AFM: variants seen among roughly 807,000 people sequenced by gnomAD.
The protein encoded by AFM is afamin.
In AFM, 82 loss-of-function variants were observed where a neutral mutation model predicts 68.7. The ratio of observed to expected loss-of-function variants is 1.19; its 90% confidence interval spans 1.00 to 1.43. The LOEUF (loss-of-function observed/expected upper bound fraction) is 1.43, where lower values mean the gene tolerates loss of function less well. AFM is among the 40% of genes most tolerant of loss of function. The pLI, the probability that AFM is intolerant of heterozygous loss-of-function variation, is 0.00. For synonymous variants in AFM, 250 were observed against 234.2 expected, an observed-to-expected ratio of 1.07 and a Z score of -0.61; for missense variants, 772 against 701.8, an observed-to-expected ratio of 1.10 and a Z score of -1.13.
At chr4:73,500,434 G>C (rs549962043) in intron 12 of AFM, among the ~76,000 whole-genome samples, 1 of 151,938 alleles carries the variant, frequency 6.6e-6, no homozygotes, top group East Asian at 1.9e-4. Flanking sequence ...TCATTTGAAA[G>C]AGACTTGGAA....
chr4:73,484,729 G>T (rs1282522339), intron 3 of AFM, among the ~76,000 whole-genome samples: 1 of 151,734 alleles, frequency 6.6e-6, no homozygotes, highest in South Asian at 2.1e-4. Context: ...TAGAGATGAG[G>T]TTTTGCCATG....
Position 73,494,085 on chromosome 4 carries a change from G to GTA in AFM, c.1059-1214_1059-1213insAT, listed in dbSNP as rs1443677614. On this transcript the variant is annotated intron_variant, in intron 8 of 14. Transcript: ENST00000226355. ...GGTGTGTGTGTGTGTGTGTGTGTGT[G>GTA]TGTTACTCCCCCACTCCCAGAGAAG... Among the ~76,000 whole-genome samples the GTA allele has an allele frequency of 2.8e-5, 4 of 145,304 alleles. No homozygotes were observed. The East Asian group carries it at 8.0e-4, about 29-fold the overall frequency.
At chr4:73,501,214 T>C (rs2149347333) in intron 12 of AFM, among the ~76,000 whole-genome samples, 1 of 152,224 alleles carries the variant, frequency 6.6e-6, no homozygotes, top group African/African-American at 2.4e-5. Context: ...CACTTAATTG[T>C]GATAGCTTAT....
chr4:73,487,857 A>G, intron 6 of AFM, 36 bp downstream of exon 6: 1 of 1,392,480 alleles, frequency 7.2e-7, no homozygotes, highest in South Asian at 1.2e-5. Flanking sequence ...CTCTGCTTGC[A>G]TTTCCTTGTC....
chr4:73,493,906 T>C (rs1347095298), intron 8 of AFM, among the ~76,000 whole-genome samples: 1 of 152,150 alleles, frequency 6.6e-6, no homozygotes, highest in Non-Finnish European at 1.5e-5. Flanking sequence ...GGAGAAATGA[T>C]AGAGTAACAG....
rs1720800887 is a variant in AFM, at chr4:73,484,298, T to G, written c.178T>G (p.Phe60Val). The G allele has an allele frequency of 3.1e-6, 5 of 1,613,440 alleles. No homozygotes were observed. The highest frequency in any genetic ancestry group is 4.2e-6 in the Non-Finnish European group (5 of 1,179,780). Residue 60 changes from phenylalanine (F) to valine (V), a missense_variant, in exon 3 of 15, where the codon TTT (phenylalanine) becomes GTT (valine). Transcript: ENST00000226355. ...AFAQYVQEAT[F>V]EEMEKLVKDM... ...TGCTCAGTATGTTCAGGAAGCAACC[T>G]TTGAAGAAATGGAAAAGCTGGTGAA...
At chr4:73,492,810 AG>A (rs1307122169) in intron 8 of AFM, among the ~76,000 whole-genome samples, 1 of 149,306 alleles carries the variant, frequency 6.7e-6, no homozygotes, top group Non-Finnish European at 1.5e-5. Flanking sequence ...AAAAAAAAAA[AG>A]AATATTTATT....
chr4:73,481,988 G>T, intron 1 of AFM, 125 bp downstream of exon 1: 1 of 669,626 alleles, frequency 1.5e-6, no homozygotes, highest in Non-Finnish European at 2.6e-6. Context: ...AATTTACATA[G>T]GCTAACCAGT....
chr4:73,494,062 T>C (rs1338769570), intron 8 of AFM, among the ~76,000 whole-genome samples: 5 of 61,908 alleles, frequency 8.1e-5, no homozygotes, highest in African/African-American at 3.8e-4. Context: ...TGTTTTTAGG[T>C]GTGTGTGTGT....
chr4:73,500,313 CT>C (rs1721394249), intron 12 of AFM, 86 bp downstream of exon 12: 1 of 1,145,534 alleles, frequency 8.7e-7, no homozygotes, highest in Non-Finnish European at 1.2e-6. Context: ...GTGGATATGT[CT>C]TTTTGATATC....
At chr4:73,497,949 A>C (rs1721304087) in intron 10 of AFM, among the ~76,000 whole-genome samples, 200 bp downstream of exon 10, 1 of 152,224 alleles carries the variant, frequency 6.6e-6, no homozygotes, top group South Asian at 2.1e-4. Flanking sequence ...AAATAAAAGA[A>C]ATACAGGATT....
intron 7 of AFM, among the ~76,000 whole-genome samples, chr4:73,490,950 T>C (rs1215623642): frequency 6.6e-6 from 1 of 152,214 alleles, no homozygotes; most frequent in Non-Finnish European, 1.5e-5. Flanking sequence ...ACCTCAGTCC[T>C]GAGCTTCATC....
intron 1 of AFM, 46 bp downstream of exon 1, chr4:73,481,909 T>A (rs781406073): frequency 7.1e-5 from 93 of 1,314,600 alleles, no homozygotes; most frequent in Non-Finnish European, 7.7e-5. Context: ...CCAGTTAGGA[T>A]AATTTCTATT....
chr4:73,485,624 GAAGAAA>G (rs1720874297), intron 3 of AFM, among the ~76,000 whole-genome samples: 1 of 141,536 alleles, frequency 7.1e-6, no homozygotes, highest in South Asian at 2.3e-4. Flanking sequence ...GGAAGAAGAA[GAAGAAA>G]AAGAAGAGGA....
At chr4:73,491,116 A>G (rs965105438) in intron 7 of AFM, among the ~76,000 whole-genome samples, 7 of 152,218 alleles carry the variant, frequency 4.6e-5, no homozygotes, top group Non-Finnish European at 7.3e-5. Context: ...GTCTCATTCT[A>G]GAGTCTGGAA....
intron 13 of AFM, among the ~76,000 whole-genome samples, chr4:73,502,642 T>G (rs1412714770): frequency 6.6e-6 from 1 of 152,182 alleles, no homozygotes; most frequent in East Asian, 1.9e-4. Flanking sequence ...AAACTCACAA[T>G]TCATGTAAAC....
chr4:73,485,297 T>C (rs1180315956), intron 3 of AFM, among the ~76,000 whole-genome samples: 3 of 152,046 alleles, frequency 2.0e-5, no homozygotes, highest in African/African-American at 7.2e-5. Context: ...AAAAGCCTGG[T>C]GGAAGGGAAA....
At chr4:73,502,541 G>A (rs528149080) in intron 13 of AFM, among the ~76,000 whole-genome samples, 43 of 152,232 alleles carry the variant, frequency 2.8e-4, no homozygotes, top group African/African-American at 9.6e-4. Context: ...GTGAATGTTA[G>A]CCCCAATGGA....
At chr4:73,489,365 C>CAACATGATATATATGTATGTGTATATAT (rs1721005057) in intron 7 of AFM, among the ~76,000 whole-genome samples, 1 of 151,734 alleles carries the variant, frequency 6.6e-6, no homozygotes, top group Non-Finnish European at 1.5e-5. Flanking sequence ...TCATGGTATA[C>CAACATGATATATATGTATGTGTATATAT]AACATGATAT....
Sources: allele counts gnomAD v4.1 joint callset (sites outside exome capture counted in the v4.1 genomes callset), GRCh38; gene constraint gnomAD v4.1.1; transcripts MANE v1.5; gene names NCBI Gene and HGNC (gene_info 2026-07-23, HGNC 2026-07-21).